Variants in BNIP2 observed in about 807,000 individuals in gnomAD.
The protein encoded by BNIP2 is BCL2/adenovirus E1B 19 kDa protein-interacting protein 2.
BNIP2 carries 36 observed loss-of-function variants against 43.4 expected under a neutral mutation model. The ratio of observed to expected loss-of-function variants is 0.83; its 90% CI spans 0.64 to 1.10. The LOEUF is 1.10. Ranked by LOEUF, BNIP2 falls within the 50% of genes least tolerant of loss-of-function variation. BNIP2 has a pLI of 0.00. For synonymous variants in BNIP2, 146 were observed against 121.0 expected (o/e 1.21, Z -1.35); for missense variants, 417 against 374.1 (o/e 1.11, Z -0.95).
chr15:59,683,649 T>G (rs1267215970), intron 1 of BNIP2, among the ~76,000 whole-genome samples: 1 of 152,104 alleles, frequency 6.6e-6, no homozygotes, highest in Non-Finnish European at 1.5e-5. Flanking sequence ...AAACCCAGTC[T>G]CTACTAAAAA....
At position 59,674,724 on chromosome 15, in the gene BNIP2, T is replaced by C. The variant is rs997109700; in HGVS notation, c.473-1985A>G. Among the ~76,000 whole-genome samples, 20 of 152,212 alleles carry C rather than the reference T, an allele frequency of 1.3e-4. No homozygotes were observed. The East Asian group carries it at 1.3e-3, about 10-fold the overall frequency. ...TAGGAGGATTTAAGGTAGTATGACA[T>C]GCTCTACAGTGAGTTGTGTTCTGAC... is the stretch of plus-strand genomic sequence containing the variant. On this transcript the variant is annotated intron_variant, in intron 5 of 9. Transcript: ENST00000607373.
chr15:59,685,330 T>C (rs970377674), intron 1 of BNIP2, among the ~76,000 whole-genome samples: 15 of 152,028 alleles, frequency 9.9e-5, no homozygotes, highest in Non-Finnish European at 2.1e-4. Context: ...TGATACCCCG[T>C]TTCCACAAAA....
intron 1 of BNIP2, among the ~76,000 whole-genome samples, chr15:59,687,766 C>G (rs1399129616): frequency 7.2e-5 from 11 of 152,112 alleles, no homozygotes; most frequent in Admixed American, 7.2e-4. Flanking sequence ...AGAACTTTTC[C>G]AGAGTGCTTT....
chr15:59,689,090 C>A, intron 1 of BNIP2, 45 bp downstream of exon 1: 1 of 1,518,382 alleles, frequency 6.6e-7, no homozygotes, highest in Non-Finnish European at 8.8e-7. Flanking sequence ...GGTTCCCAGT[C>A]CAGCTCCGGA....
intron 8 of BNIP2, 126 bp from the exon 9 acceptor site, chr15:59,669,116 G>A: frequency 2.8e-6 from 3 of 1,069,932 alleles, no homozygotes; most frequent in Non-Finnish European, 4.1e-6. Flanking sequence ...AAATGTCTGA[G>A]GTGATGGATG....
rs373331890 is a variant in BNIP2 at position 59,668,935 on chromosome 15, G to A, written c.850C>T (p.Leu284Phe). Reference sequence around the variant, plus strand: ...ATGCCAACGTATTCCATGGGGACAAGTTCTGCTAGTTCTGCCAAATTAAAC... The same window carrying A: ...ATGCCAACGTATTCCATGGGGACAAATTCTGCTAGTTCTGCCAAATTAAAC... Reference protein sequence around the residue: ...YVFNLAELAELVPMEYVGIPE... With the variant: ...YVFNLAELAEFVPMEYVGIPE... The change falls in exon 9 of 10, where the codon CTT (leucine) becomes TTT (phenylalanine). Residue 284 changes from leucine (L) to phenylalanine (F), a missense_variant. By Grantham distance (22) the Leu-to-Phe change is conservative (BLOSUM62 0). Coordinates refer to ENST00000607373, the MANE Select transcript of BNIP2 (RefSeq NM_004330.4). The A allele has an allele frequency of 1.2e-5, 19 of 1,613,586 alleles. No individual in the cohort carries two copies. In the South Asian group the frequency reaches 1.2e-4, roughly 10 times the overall value.
chr15:59,672,893 A>G (rs1893024588), intron 5 of BNIP2, among the ~76,000 whole-genome samples, 154 bp from the exon 6 acceptor site: 2 of 152,218 alleles, frequency 1.3e-5, no homozygotes, highest in African/African-American at 4.8e-5. Flanking sequence ...ATGGTCTTAT[A>G]TAGAATTTTA....
chr15:59,689,042 T>C (rs116024732), intron 1 of BNIP2, 93 bp downstream of exon 1: 1 of 1,459,196 alleles, frequency 6.9e-7, no homozygotes, highest in African/African-American at 1.4e-5. Flanking sequence ...TCCCCGGACG[T>C]CGTGGGCACG....
At chr15:59,670,420 G>C (rs1231537674) in intron 7 of BNIP2, among the ~76,000 whole-genome samples, 1 of 152,132 alleles carries the variant, frequency 6.6e-6, no homozygotes, top group Non-Finnish European at 1.5e-5. Flanking sequence ...GACAGAGTGA[G>C]ACCCTGTCTC....
intron 1 of BNIP2, among the ~76,000 whole-genome samples, chr15:59,686,837 T>A (rs1345561028): frequency 1.3e-5 from 2 of 152,058 alleles, no homozygotes; most frequent in African/African-American, 4.8e-5. Context: ...GCCAACATGG[T>A]GAAACCCCAT....
chr15:59,669,382 C>A lies in BNIP2; in HGVS notation c.708-20G>T, dbSNP rs757806351. The A allele has an allele frequency of 3.0e-5, 36 of 1,200,828 alleles. No individual in the cohort carries two copies. The highest frequency in any genetic ancestry group is 5.1e-5 in the Admixed American group (2 of 38,972). The allele number at this position is 1,200,828 out of a possible 1,614,324, so 74.4% of individuals were successfully genotyped here. On this transcript the variant is annotated intron_variant, in intron 7 of 9. Transcript: ENST00000607373. ...CGTAACCTGGAGTTTAAAAAAAAAACACACACACACAAAGAAAATTAAAAA... is the reference window on the plus strand; with the variant it reads ...CGTAACCTGGAGTTTAAAAAAAAAAAACACACACACAAAGAAAATTAAAAA...
chr15:59,684,011 G>C (rs1170691890), intron 1 of BNIP2, among the ~76,000 whole-genome samples: 1 of 152,170 alleles, frequency 6.6e-6, no homozygotes, highest in Non-Finnish European at 1.5e-5. Context: ...TATCTTATCT[G>C]CTACGTCAAC....
chr15:59,679,115 T>C (rs1364560643), intron 4 of BNIP2: 8 of 178,808 alleles, frequency 4.5e-5, no homozygotes, highest in African/African-American at 1.4e-4. Context: ...AAAGAAAGCA[T>C]GCAAAGTAAA....
At chr15:59,678,462 C>T (rs1893450365) in intron 4 of BNIP2, 1 of 1,069,218 alleles carries the variant, frequency 9.4e-7, no homozygotes, top group Non-Finnish European at 1.1e-6. Context: ...TAGGTTACTT[C>T]AAGTAGCTAT....
At chr15:59,689,035 C>G in intron 1 of BNIP2, 100 bp downstream of exon 1, 1 of 1,456,538 alleles carries the variant, frequency 6.9e-7, no homozygotes, top group East Asian at 2.5e-5. Context: ...TTTCCTCTCC[C>G]CGGACGTCGT....
At chr15:59,683,538 C>T (rs1239218761) in intron 1 of BNIP2, among the ~76,000 whole-genome samples, 3 of 152,198 alleles carry the variant, frequency 2.0e-5, no homozygotes, top group African/African-American at 4.8e-5. Context: ...GACACTAGGC[C>T]GGGCGCGGTG....
rs1265420078 is a variant in BNIP2 at position 59,678,106 on chromosome 15, T to G, written c.296-19A>C. On this transcript the variant is annotated intron_variant, in intron 4 of 9. Coordinates refer to ENST00000607373, the MANE Select transcript of BNIP2 (RefSeq NM_004330.4). ...AGATCATCTGTCAAAATACAAAGTT[T>G]TTGAATCACAAATTGTTACACAACA... The G allele has an allele frequency of 1.3e-6, 2 of 1,591,284 alleles. No homozygotes were observed. Among genetic ancestry groups the G allele is most frequent in the Non-Finnish European group, 1.7e-6 (2 of 1,170,938 alleles).
intron 9 of BNIP2, chr15:59,668,643 T>A (rs1367104565): frequency 1.5e-5 from 6 of 406,964 alleles, no homozygotes; most frequent in Non-Finnish European, 2.6e-5. Context: ...TATAAAAGTA[T>A]AACATGAATC....
At chr15:59,685,454 T>C (rs1034429023) in intron 1 of BNIP2, among the ~76,000 whole-genome samples, 5 of 152,110 alleles carry the variant, frequency 3.3e-5, no homozygotes, top group African/African-American at 1.2e-4. Flanking sequence ...TGAGCTGAGA[T>C]TGCACCACTG....
Sources: allele counts gnomAD v4.1 joint callset (sites outside exome capture counted in the v4.1 genomes callset), GRCh38; gene constraint gnomAD v4.1.1; transcripts MANE v1.5; gene names NCBI Gene and HGNC (gene_info 2026-07-23, HGNC 2026-07-21).